Variants in NOVA1 observed in about 807,000 individuals in gnomAD.
The protein encoded by NOVA1 is NOVA alternative splicing regulator 1, also known as RNA-binding protein Nova-1.
In NOVA1, 7 loss-of-function variants were observed where a neutral mutation model predicts 38.0. That is an observed-to-expected ratio of 0.18 (90% CI 0.10 to 0.35). NOVA1 has a LOEUF of 0.35. NOVA1 is among the 10% of genes least tolerant of loss of function. The pLI is 1.00. For missense variants in NOVA1, 460 were observed against 616.0 expected (o/e 0.75, Z 2.68); for synonymous variants, 270 against 232.5 (o/e 1.16, Z -1.47).
chr14:26,480,188 A>G (rs776997718), intron 2 of NOVA1, 45 bp from the exon 3 acceptor site: 1 of 1,522,742 alleles, frequency 6.6e-7, no homozygotes, highest in South Asian at 1.2e-5. Context: ...CACACTTTGC[A>G]TTAAAAAAAT....
chr14:26,558,283 T>C (rs1442143568), intron 2 of NOVA1, among the ~76,000 whole-genome samples: 1 of 152,156 alleles, frequency 6.6e-6, no homozygotes, highest in Non-Finnish European at 1.5e-5. Flanking sequence ...GCTCATCAAT[T>C]GTACCAACTG....
Position 26,470,515 on chromosome 14 carries a change from A to T in NOVA1, c.519+1805T>A, listed in dbSNP as rs759207798. On this transcript the variant is annotated intron_variant, in intron 4 of 4. Coordinates refer to ENST00000539517, the MANE Select transcript of NOVA1 (RefSeq NM_002515.3). The stretch of plus-strand genomic sequence containing the variant: ...TCTTTGTACAAGAACAGAAGAAAAC[A>T]GAGTATAAGTAACAATATAACAGAG... 5 of 1,456,996 alleles carry T rather than the reference A, an allele frequency of 3.4e-6. No homozygotes were observed. The Admixed American group carries it at 8.4e-5, about 24-fold the overall frequency. 90.3% of individuals were successfully genotyped at this position (1,456,996 alleles called of 1,614,324 possible). A position where few individuals can be genotyped will look rare whatever the true frequency, so the allele number is the denominator to read the frequency against.
rs962144595 is a variant in NOVA1, at chr14:26,445,198, C to T, written c.*2761G>A. On this transcript the variant is annotated 3_prime_UTR_variant, in exon 5 of 5. Transcript: ENST00000539517. Reference sequence around the variant, plus strand: ...GTTTGGCCCTTGTATCATCAGTTTTCTCCATTTTGGATCAGTACAGCTGAA... The same window carrying T: ...GTTTGGCCCTTGTATCATCAGTTTTTTCCATTTTGGATCAGTACAGCTGAA... The T allele has an allele frequency of 6.6e-6, 1 of 152,188 alleles. No homozygotes were observed. Among genetic ancestry groups the T allele is most frequent in the Non-Finnish European group, 1.5e-5 (1 of 68,030 alleles). 9.4% of individuals were successfully genotyped at this position (152,188 alleles called of 1,614,324 possible). A position where few individuals can be genotyped will look rare whatever the true frequency, so the allele number is the denominator to read the frequency against.
chr14:26,523,510 G>A (rs763219581), intron 2 of NOVA1, among the ~76,000 whole-genome samples: 1 of 152,056 alleles, frequency 6.6e-6, no homozygotes. Flanking sequence ...AAACATTGCC[G>A]AGACATTACA....
chr14:26,546,254 T>C (rs1439598717), intron 2 of NOVA1, among the ~76,000 whole-genome samples: 1 of 152,114 alleles, frequency 6.6e-6, no homozygotes. Context: ...GTAACTCAAA[T>C]ATTGACCACT....
intron 2 of NOVA1, among the ~76,000 whole-genome samples, chr14:26,589,447 C>T (rs1893713063): frequency 6.6e-6 from 1 of 151,618 alleles, no homozygotes; most frequent in Non-Finnish European, 1.5e-5. Context: ...ATGTGGGAAA[C>T]ATTTCAGTAA....
At chr14:26,455,338 T>C (rs1344399176) in intron 4 of NOVA1, among the ~76,000 whole-genome samples, 1 of 152,138 alleles carries the variant, frequency 6.6e-6, no homozygotes, top group African/African-American at 2.4e-5. Flanking sequence ...ATCTAAAGCA[T>C]AGTGTAGTAT....
At chr14:26,473,142 A>G (rs938425839) in intron 3 of NOVA1, among the ~76,000 whole-genome samples, 1 of 151,824 alleles carries the variant, frequency 6.6e-6, no homozygotes, top group African/African-American at 2.4e-5. Context: ...TGTTAAAAAT[A>G]AACACAAAAA....
intron 2 of NOVA1, among the ~76,000 whole-genome samples, chr14:26,493,840 T>C (rs1216621760): frequency 6.6e-6 from 1 of 152,180 alleles, no homozygotes; most frequent in Admixed American, 6.5e-5. Context: ...GTTAGTTCAT[T>C]TGAGCCAACT....
chr14:26,585,789 C>T (rs1372368742), intron 2 of NOVA1, among the ~76,000 whole-genome samples: 1 of 80,124 alleles, frequency 1.2e-5, no homozygotes, highest in African/African-American at 4.4e-5. Flanking sequence ...GGATAGCATG[C>T]TAAACAGAAC....
chr14:26,460,135 TG>T (rs1245254759), intron 4 of NOVA1, among the ~76,000 whole-genome samples: 1 of 152,092 alleles, frequency 6.6e-6, no homozygotes, highest in South Asian at 2.1e-4. Flanking sequence ...TTTCTGTTTC[TG>T]CATTAATTTG....
intron 2 of NOVA1, among the ~76,000 whole-genome samples, chr14:26,499,125 A>G (rs1052138506): frequency 6.6e-6 from 1 of 152,212 alleles, no homozygotes; most frequent in Admixed American, 6.5e-5. Flanking sequence ...ATAGCTAATA[A>G]TAGTGTATTG....
At chr14:26,558,368 T>C (rs1336839759) in intron 2 of NOVA1, among the ~76,000 whole-genome samples, 1 of 152,108 alleles carries the variant, frequency 6.6e-6, no homozygotes, top group Admixed American at 6.5e-5. Context: ...AAGTAGTTAA[T>C]AATAAGTTGT....
chr14:26,496,812 G>A (rs1248722529), intron 2 of NOVA1, among the ~76,000 whole-genome samples: 9 of 152,070 alleles, frequency 5.9e-5, no homozygotes, highest in Admixed American at 1.3e-4. Context: ...GTAGATATGC[G>A]GCGTTATTTC....
intron 4 of NOVA1, chr14:26,470,333 A>T: frequency 6.9e-7 from 1 of 1,455,242 alleles, no homozygotes; most frequent in Non-Finnish European, 9.3e-7. Context: ...GCCCTACCAC[A>T]TGATTAGAAT....
Position 26,448,024 on chromosome 14 carries a change from A to T in NOVA1, c.1459T>A (p.Leu487Ile), listed in dbSNP as rs1343132100. 1.2e-6 allele frequency: 2 copies of T among 1,614,152 alleles called. No individual in the cohort carries two copies. Among genetic ancestry groups the T allele is most frequent in the Non-Finnish European group, 1.7e-6 (2 of 1,180,034 alleles). Residue 487 changes from leucine (L) to isoleucine (I), a missense_variant, in exon 5 of 5, where the codon TTA (leucine) becomes ATA (isoleucine). By Grantham distance (5) the Leu-to-Ile change is conservative. Transcript: ENST00000539517. The surrounding 1 kb of genome is among the most constrained non-coding windows in gnomAD (Gnocchi z 5.3). ...TCATATGTGATCCTTTGTGTAATTA[A>T]ATATTGAGCAGCCTGTGTTGCAGCT... is the stretch of plus-strand genomic sequence containing the variant. Reference protein sequence around the residue: ...TPAATQAAQYLITQRITYEQG... With the variant: ...TPAATQAAQYIITQRITYEQG...
Position 26,445,351 on chromosome 14 carries a change from G to T in NOVA1, c.*2608C>A, listed in dbSNP as rs1189487502. 2.6e-5 allele frequency: 4 copies of T among 152,160 alleles called. No homozygotes were observed. Among genetic ancestry groups the T allele is most frequent in the Non-Finnish European group, 4.4e-5 (3 of 68,038 alleles). 9.4% of individuals were successfully genotyped at this position (152,160 alleles called of 1,614,324 possible). On this transcript the variant is annotated 3_prime_UTR_variant, in exon 5 of 5. Transcript: ENST00000539517. ...ATTTCAGAGAATAAATTTTTAAACA[G>T]CATGAAGCTGATTTACACATAATGC...
rs1175375616 is a variant in NOVA1, at chr14:26,484,457, A to AAAAAAAAAAAAAAC, written c.281-4315_281-4314insGTTTTTTTTTTTTT. On this transcript the variant is annotated intron_variant, in intron 2 of 4. Transcript: ENST00000539517. ...AAAAAAAAAAAAAAAAAAAAAAAAAAAAAAAGAAATTAATTGTTCTATTTT... is the reference window on the plus strand; with the variant it reads ...AAAAAAAAAAAAAAAAAAAAAAAAAAAAAAAAAAAAAAACAAAAAGAAATTAATTGTTCTATTTT... Among the ~76,000 whole-genome samples, 18 of 102,586 alleles carry AAAAAAAAAAAAAAC rather than the reference A, an allele frequency of 1.8e-4. 6 individuals carry two copies. The highest frequency in any genetic ancestry group is 2.2e-4 in the Non-Finnish European group (11 of 50,042). The allele number at this position is 102,586 out of a possible 152,430, so 67.3% of individuals were successfully genotyped here.
intron 4 of NOVA1, among the ~76,000 whole-genome samples, chr14:26,465,132 C>G (rs1884008824): frequency 1.3e-5 from 2 of 152,154 alleles, no homozygotes; most frequent in Non-Finnish European, 2.9e-5. Context: ...TGATATCACA[C>G]AAACACAATA....
Sources: gnomAD v4.1 joint callset for allele counts (sites outside exome capture counted in the v4.1 genomes callset) on GRCh38, gnomAD v4.1.1 for gene constraint, Gnocchi (gnomAD v3.1) non-coding constraint, MANE v1.5 for transcripts, NCBI Gene and HGNC (gene_info 2026-07-23, HGNC 2026-07-21) for gene names.